Variants in CD74 observed in about 807,000 individuals in gnomAD.
CD74 encodes HLA class II histocompatibility antigen gamma chain.
A neutral mutation model predicts 37.1 loss-of-function variants in CD74; 20 were observed. The observed-to-expected ratio is 0.54, with a 90% confidence interval of 0.38 to 0.78. The LOEUF (loss-of-function observed/expected upper bound fraction) is 0.78, where lower values mean the gene tolerates loss of function less well. CD74 is among the 30% of genes least tolerant of loss of function. CD74 has a pLI of 0.00. For synonymous variants in CD74, 150 were observed against 152.0 expected, an observed-to-expected ratio of 0.99 and a Z score of 0.10; for missense variants, 338 against 389.5, an observed-to-expected ratio of 0.87 and a Z score of 1.11.
intron 3 of CD74, chr5:150,406,650 T>G: frequency 1.7e-6 from 1 of 587,206 alleles, no homozygotes; most frequent in Non-Finnish European, 3.0e-6. Flanking sequence ...TGAGAAGCAC[T>G]TTGTAAACTG....
intron 1 of CD74, among the ~76,000 whole-genome samples, chr5:150,409,581 T>C (rs1438817500): frequency 1.3e-5 from 2 of 151,458 alleles, no homozygotes; most frequent in African/African-American, 4.9e-5. Context: ...TAGTCCCAGC[T>C]ACTCAGGAGG....
intron 1 of CD74, among the ~76,000 whole-genome samples, chr5:150,409,218 C>T (rs1357109375): frequency 1.4e-5 from 2 of 139,670 alleles, no homozygotes; most frequent in Non-Finnish European, 3.1e-5. Flanking sequence ...AGGAGACTGT[C>T]TCAGAAAAAA....
chr5:150,405,318 A>C, intron 4 of CD74, 138 bp from the exon 5 acceptor site: 2 of 1,378,630 alleles, frequency 1.5e-6, no homozygotes, highest in Non-Finnish European at 1.9e-6. Context: ...CCTGGACTTC[A>C]GCCATGATGG....
At chr5:150,409,098 C>T (rs1770173390) in intron 1 of CD74, among the ~76,000 whole-genome samples, 1 of 152,072 alleles carries the variant, frequency 6.6e-6, no homozygotes, top group South Asian at 2.1e-4. Context: ...TGGCGTGCAC[C>T]TCTAGTCCCA....
At chr5:150,406,851 C>G (rs1476880512) in intron 3 of CD74, 30 bp downstream of exon 3, 1 of 1,405,716 alleles carries the variant, frequency 7.1e-7, no homozygotes, top group Non-Finnish European at 9.5e-7. Context: ...GATAACCTTG[C>G]CCCTCCCACC....
rs1581254271 is a variant in CD74 at position 150,407,081 on chromosome 5, G to A, written c.298+71C>T. ...GAGAGGACAGTGGGCCCAGCTGGGT[G>A]CAGGGATGCGGGTCTCTGAGTTGAG... On this transcript the variant is annotated intron_variant, in intron 2 of 8. Coordinates refer to ENST00000009530, the MANE Select transcript of CD74 (RefSeq NM_001025159.3). This position sits in a 1 kb window ranked among gnomAD's most constrained non-coding sequence, Gnocchi z 4.4. 1.1e-5 allele frequency: 17 copies of A among 1,570,412 alleles called. No homozygotes were observed. In the South Asian group the frequency reaches 1.5e-4, roughly 14 times the overall value.
Position 150,407,245 on chromosome 5 carries a change from A to T in CD74, c.205T>A (p.Tyr69Asn). 1 of 1,613,830 alleles carries T rather than the reference A, an allele frequency of 6.2e-7. No homozygotes were observed. ...LLLAGQATTA[Y>N]FLYQQQGRLD... ...CGGCCCTGCTGCTGGTACAGGAAGTAGGCGGTGGTGGCCTGGCCAGCGAGG... is the reference window on the plus strand; with the variant it reads ...CGGCCCTGCTGCTGGTACAGGAAGTTGGCGGTGGTGGCCTGGCCAGCGAGG... Residue 69 changes from tyrosine (Y) to asparagine (N), a missense_variant, in exon 2 of 9, where the codon TAC becomes AAC. By Grantham distance (143) the Tyr-to-Asn change is moderately radical (BLOSUM62 -2). Transcript: ENST00000009530. The surrounding 1 kb of genome is among the most constrained non-coding windows in gnomAD (Gnocchi z 4.4).
Position 150,412,842 on chromosome 5 carries a change from T to C in CD74, c.-93A>G. 1 of 1,578,954 alleles carries C rather than the reference T, an allele frequency of 6.3e-7. No homozygotes were observed. The highest frequency in any genetic ancestry group is 1.1e-5 in the South Asian group (1 of 88,594). On this transcript the variant is annotated 5_prime_UTR_variant, in exon 1 of 9. Transcript: ENST00000009530. ...AAGGCCACTCCGCCCACTTGGTAGATGTGGAAGTGAAAGCTACAAAGGCTG... is the reference window on the plus strand; with the variant it reads ...AAGGCCACTCCGCCCACTTGGTAGACGTGGAAGTGAAAGCTACAAAGGCTG...
chr5:150,405,345 A>G, intron 4 of CD74, 165 bp from the exon 5 acceptor site: 1 of 1,359,736 alleles, frequency 7.4e-7, no homozygotes, highest in Non-Finnish European at 9.4e-7. Flanking sequence ...AGGGGAGGGT[A>G]CGGGTAAGGG....
In CD74 at chr5:150,402,493, G is replaced by T; in HGVS notation, c.880+70C>A. 1 of 1,316,358 alleles carries T rather than the reference G, an allele frequency of 7.6e-7. No individual in the cohort carries two copies. Among genetic ancestry groups the T allele is most frequent in the Non-Finnish European group, 1.1e-6 (1 of 907,838 alleles). The allele number at this position is 1,316,358 out of a possible 1,614,324, so 81.5% of individuals were successfully genotyped here. On this transcript the variant is annotated intron_variant, in intron 8 of 8. Transcript: ENST00000009530. The surrounding 1 kb of genome is among the most constrained non-coding windows in gnomAD (Gnocchi z 4.2). ...GGCCCAGCGTCACACTCCTTCACCT[G>T]CCCACAAAGGAGCTGGCCCTGCTGG...
chr5:150,403,429 C>G lies in CD74; in HGVS notation c.626-117G>C. On this transcript the variant is annotated intron_variant, in intron 6 of 8. Transcript: ENST00000009530. This position sits in a 1 kb window ranked among gnomAD's most constrained non-coding sequence, Gnocchi z 4.5. ...GGCTTAATGCCTTCTTCCCAAGTGG[C>G]TTTACTCACTCCAGCCATCACACGG... is the stretch of plus-strand genomic sequence containing the variant. 2.2e-6 allele frequency: 2 copies of G among 889,620 alleles called. No homozygotes were observed. The highest frequency in any genetic ancestry group is 3.6e-6 in the Non-Finnish European group (2 of 550,214). 55.1% of individuals were successfully genotyped at this position (889,620 alleles called of 1,614,324 possible). A position where few individuals can be genotyped will look rare whatever the true frequency, so the allele number is the denominator to read the frequency against.
chr5:150,402,723 GCC>G lies in CD74; in HGVS notation c.818-100_818-99del. ...CTTCCCACCTAGCCACAGGCTTAGT[GCC>G]TGGGAAAGCAGGTACCCAGGGAAGG... On this transcript the variant is annotated intron_variant, in intron 7 of 8. Transcript: ENST00000009530. The surrounding 1 kb of genome is among the most constrained non-coding windows in gnomAD (Gnocchi z 4.2). 9.7e-7 allele frequency: 1 copy of G among 1,027,572 alleles called. No individual in the cohort carries two copies. 63.7% of individuals were successfully genotyped at this position (1,027,572 alleles called of 1,614,324 possible).
At chr5:150,406,592 T>C (rs1252041562) in intron 3 of CD74, 2 of 589,722 alleles carry the variant, frequency 3.4e-6, no homozygotes, top group Admixed American at 2.9e-5. Context: ...CAATGCATGA[T>C]AGCAAGGTCT....
chr5:150,408,659 G>A (rs933299749), intron 1 of CD74, among the ~76,000 whole-genome samples: 2 of 152,114 alleles, frequency 1.3e-5, no homozygotes, highest in Admixed American at 1.3e-4. Context: ...ATGCGACTGG[G>A]GGGTGCATGC....
chr5:150,409,703 A>AC (rs1384689623), intron 1 of CD74, among the ~76,000 whole-genome samples: 1 of 120,196 alleles, frequency 8.3e-6, no homozygotes, highest in Non-Finnish European at 1.9e-5. Flanking sequence ...AAAAAACATA[A>AC]CAAAAAAAAA....
intron 6 of CD74, among the ~76,000 whole-genome samples, chr5:150,404,109 GC>G (rs1170333930): frequency 6.6e-6 from 1 of 152,176 alleles, no homozygotes; most frequent in African/African-American, 2.4e-5. Flanking sequence ...AGGCAGGGTG[GC>G]CCTTTGACCT....
intron 1 of CD74, among the ~76,000 whole-genome samples, chr5:150,409,111 T>C (rs1052379530): frequency 2.0e-5 from 3 of 151,962 alleles, no homozygotes; most frequent in Non-Finnish European, 4.4e-5. Flanking sequence ...TAGTCCCAGC[T>C]ACTTGGGAGG....
rs1371067935 is a variant in CD74 at position 150,401,756 on chromosome 5, T to C, written c.*484A>G. On this transcript the variant is annotated 3_prime_UTR_variant, in exon 9 of 9. Coordinates refer to ENST00000009530, the MANE Select transcript of CD74 (RefSeq NM_001025159.3). ...AGGATTATGGGTGGAAAACATTGGCTCTTCCTTGGGGAGTGATGCTGGGGA... is the reference window on the plus strand; with the variant it reads ...AGGATTATGGGTGGAAAACATTGGCCCTTCCTTGGGGAGTGATGCTGGGGA... The C allele has an allele frequency of 1.7e-6, 1 of 598,396 alleles. No individual in the cohort carries two copies. Among genetic ancestry groups the C allele is most frequent in the Non-Finnish European group, 3.0e-6 (1 of 335,610 alleles). 37.1% of individuals were successfully genotyped at this position (598,396 alleles called of 1,614,324 possible).
intron 3 of CD74, 79 bp downstream of exon 3, chr5:150,406,802 C>T (rs1344804348): frequency 2.0e-6 from 2 of 1,013,194 alleles, no homozygotes; most frequent in Non-Finnish European, 2.8e-6. Flanking sequence ...GGGCTCTCTT[C>T]CCTGCCCCTC....
Sources: allele counts gnomAD v4.1 joint callset (sites outside exome capture counted in the v4.1 genomes callset), GRCh38; gene constraint gnomAD v4.1.1; non-coding constraint Gnocchi (gnomAD v3.1); transcripts MANE v1.5; gene names NCBI Gene and HGNC (gene_info 2026-07-23, HGNC 2026-07-21).